Variants in AKAP6 observed in about 807,000 individuals in gnomAD.
The protein encoded by AKAP6 is A-kinase anchoring protein 6.
A neutral mutation model predicts 188.5 loss-of-function variants in AKAP6; 58 were observed. The observed-to-expected ratio is 0.31, with a 90% CI of 0.25 to 0.38. The LOEUF is 0.38. Among genes scored for constraint, AKAP6 ranks in the 10% least tolerant of loss-of-function variants. AKAP6 has a pLI of 1.00. For missense variants in AKAP6, 2,710 were observed against 2,740.0 expected (o/e 0.99, Z 0.24); for synonymous variants, 989 against 998.6 (o/e 0.99, Z 0.18).
intron 11 of AKAP6, among the ~76,000 whole-genome samples, chr14:32,762,510 A>T (rs1239375677): frequency 6.6e-5 from 10 of 152,120 alleles, no homozygotes; most frequent in Admixed American, 6.5e-4. Context: ...GTAACAAAGA[A>T]ATTAAAGAAT....
intron 2 of AKAP6, among the ~76,000 whole-genome samples, chr14:32,519,269 G>C (rs1881691086): frequency 6.6e-6 from 1 of 152,168 alleles, no homozygotes; most frequent in African/African-American, 2.4e-5. Context: ...ATTGAGGCTA[G>C]GAAGTAACTG....
chr14:32,366,708 G>C (rs1033340193), intron 1 of AKAP6, among the ~76,000 whole-genome samples: 16 of 151,094 alleles, frequency 1.1e-4, no homozygotes, highest in Admixed American at 6.6e-4. Context: ...GTGTGTGTCT[G>C]TGTGTGTGTG....
intron 5 of AKAP6, among the ~76,000 whole-genome samples, chr14:32,581,602 T>G (rs1319814656): frequency 1.3e-5 from 2 of 152,152 alleles, no homozygotes; most frequent in East Asian, 3.9e-4. Flanking sequence ...GTTGTTAAAG[T>G]CTCCCATTAT....
intron 11 of AKAP6, among the ~76,000 whole-genome samples, chr14:32,758,950 C>T (rs2032443383): frequency 6.6e-6 from 1 of 152,156 alleles, no homozygotes; most frequent in Non-Finnish European, 1.5e-5. Context: ...GGGAGCTCAA[C>T]TCAGCATAGA....
At chr14:32,382,043 C>T (rs907867857) in intron 1 of AKAP6, among the ~76,000 whole-genome samples, 3 of 152,248 alleles carry the variant, frequency 2.0e-5, no homozygotes, top group Middle Eastern at 3.4e-3. Context: ...CTTTCTGGGC[C>T]TCAGTAATCT....
intron 7 of AKAP6, among the ~76,000 whole-genome samples, chr14:32,627,532 A>AT (rs1555346195): frequency 5.9e-5 from 9 of 152,066 alleles, no homozygotes; most frequent in Non-Finnish European, 2.9e-5. Flanking sequence ...ACCCCTAAAA[A>AT]ATATATATTA....
chr14:32,811,035 C>T (rs763682093), intron 12 of AKAP6, among the ~76,000 whole-genome samples: 13 of 151,698 alleles, frequency 8.6e-5, no homozygotes, highest in Non-Finnish European at 1.9e-4. Context: ...GTCAGGAGAT[C>T]GAGACCATCC....
At chr14:32,592,325 T>G (rs538962137) in intron 5 of AKAP6, among the ~76,000 whole-genome samples, 46 of 152,116 alleles carry the variant, frequency 3.0e-4, no homozygotes, top group Non-Finnish European at 5.9e-4. Context: ...ACGTAGTATG[T>G]GAAGGTTTGA....
chr14:32,740,534 T>G (rs902776227), intron 11 of AKAP6, among the ~76,000 whole-genome samples: 12 of 152,124 alleles, frequency 7.9e-5, no homozygotes, highest in African/African-American at 2.7e-4. Flanking sequence ...TAATCCATTT[T>G]TATTTGATTT....
At chr14:32,499,536 A>G (rs375726975) in intron 2 of AKAP6, among the ~76,000 whole-genome samples, 67 of 152,020 alleles carry the variant, frequency 4.4e-4, no homozygotes, top group African/African-American at 1.5e-3. Flanking sequence ...CTGTATTATA[A>G]TTTACACTGT....
Position 32,750,683 on chromosome 14 carries a change from A to G in AKAP6, c.3372+14801A>G, listed in dbSNP as rs567827538. Among the ~76,000 whole-genome samples, 4 of 151,468 alleles carry G rather than the reference A, an allele frequency of 2.6e-5. No homozygotes were observed. The East Asian group carries it at 5.8e-4, about 22-fold the overall frequency. ...GGGTTCAAGGGTACAGTGAGCTACA[A>G]TTGTGCACTGTAGCCTGGACAAGAG... is the stretch of plus-strand genomic sequence containing the variant. On this transcript the variant is annotated intron_variant, in intron 11 of 13. Coordinates refer to ENST00000280979, the MANE Select transcript of AKAP6 (RefSeq NM_004274.5).
rs147125559 is a variant in AKAP6 at position 32,823,439 on chromosome 14, C to G, written c.5626C>G (p.Arg1876Gly). Reference protein sequence around the residue: ...SSHTHELGTKRENKKTIFKVN... With the variant: ...SSHTHELGTKGENKKTIFKVN... ...TCATACCCATGAGTTAGGGACAAAG[C>G]GTGAAAATAAGAAAACTATTTTCAA... is the stretch of plus-strand genomic sequence containing the variant. Residue 1876 changes from arginine (R) to glycine (G), a missense_variant, in exon 13 of 14, where the codon CGT becomes GGT. This residue lies in a region of AKAP6 where 2,473 missense variants were observed against 2,426.1 expected (regional missense o/e 1.02). Coordinates refer to ENST00000280979, the MANE Select transcript of AKAP6 (RefSeq NM_004274.5). 1 of 1,613,148 alleles carries G rather than the reference C, an allele frequency of 6.2e-7. No individual in the cohort carries two copies. Among genetic ancestry groups the G allele is most frequent in the Middle Eastern group, 1.7e-4 (1 of 6,052 alleles).
intron 4 of AKAP6, among the ~76,000 whole-genome samples, chr14:32,552,796 A>G (rs1478778708): frequency 6.6e-6 from 1 of 152,234 alleles, no homozygotes; most frequent in Non-Finnish European, 1.5e-5. Context: ...AGCTAGAAAG[A>G]CTATGTAAAT....
chr14:32,498,257 A>G (rs1367295336), intron 2 of AKAP6, among the ~76,000 whole-genome samples: 1 of 152,224 alleles, frequency 6.6e-6, no homozygotes, highest in African/African-American at 2.4e-5. Context: ...CAGATATAAA[A>G]GGTATGGCTT....
intron 2 of AKAP6, among the ~76,000 whole-genome samples, chr14:32,449,897 AG>A (rs1451297497): frequency 6.6e-6 from 1 of 152,204 alleles, no homozygotes; most frequent in Admixed American, 6.5e-5. Context: ...GAGCAATAAA[AG>A]CTTGATGCCT....
chr14:32,470,064 C>G (rs534565583), intron 2 of AKAP6, among the ~76,000 whole-genome samples: 11 of 152,196 alleles, frequency 7.2e-5, no homozygotes, highest in Admixed American at 5.9e-4. Flanking sequence ...CATATTAGAT[C>G]CAGGGTTAGC....
At chr14:32,372,451 TAAG>T (rs1265673243) in intron 1 of AKAP6, among the ~76,000 whole-genome samples, 1 of 152,066 alleles carries the variant, frequency 6.6e-6, no homozygotes, top group East Asian at 1.9e-4. Context: ...TTGTAATGGG[TAAG>T]AAGTACTAGT....
intron 2 of AKAP6, among the ~76,000 whole-genome samples, chr14:32,522,203 A>T (rs1383216838): frequency 1.3e-5 from 2 of 152,254 alleles, no homozygotes; most frequent in African/African-American, 2.4e-5. Context: ...TGGATTAAAG[A>T]CTTAAATGTT....
intron 2 of AKAP6, among the ~76,000 whole-genome samples, chr14:32,470,662 G>A (rs1476108898): frequency 6.6e-6 from 1 of 152,200 alleles, no homozygotes; most frequent in Non-Finnish European, 1.5e-5. Flanking sequence ...AGTTCGGTAT[G>A]ATAGAATCGT....
Sources: allele counts gnomAD v4.1 joint callset (sites outside exome capture counted in the v4.1 genomes callset), GRCh38; gene constraint gnomAD v4.1.1; regional missense constraint gnomAD v4.1.1; transcripts MANE v1.5; gene names NCBI Gene and HGNC (gene_info 2026-07-23, HGNC 2026-07-21).